Variants in KLHL29 observed in about 807,000 individuals in gnomAD.
KLHL29 encodes the protein kelch like family member 29.
KLHL29 carries 21 observed loss-of-function variants against 80.4 expected under a neutral mutation model. The ratio of observed to expected loss-of-function variants is 0.26; its 90% CI spans 0.19 to 0.38. KLHL29 has a LOEUF of 0.38. Ranked by LOEUF, KLHL29 falls within the 10% of genes least tolerant of loss-of-function variation. The pLI, the probability that KLHL29 is intolerant of heterozygous loss-of-function variation, is 1.00. For missense variants in KLHL29, 867 were observed against 1,223.9 expected (o/e 0.71, Z 4.35); for synonymous variants, 511 against 526.8 (o/e 0.97, Z 0.41).
intron 2 of KLHL29, among the ~76,000 whole-genome samples, chr2:23,513,074 C>T (rs1665822362): frequency 6.6e-6 from 1 of 152,218 alleles, no homozygotes; most frequent in Non-Finnish European, 1.5e-5. Context: ...AAGGCCACAC[C>T]TCCTTAGAGC....
chr2:23,613,785 A>AAAAAAAAAAAAAAAC lies in KLHL29; in HGVS notation c.286-25349_286-25348insAAAAAAAAACAAAAA, dbSNP rs1558408724. Among the ~76,000 whole-genome samples the AAAAAAAAAAAAAAAC allele has an allele frequency of 3.4e-5, 5 of 146,654 alleles. 1 individual carries two copies. Among genetic ancestry groups the AAAAAAAAAAAAAAAC allele is most frequent in the African/African-American group, 1.3e-4 (5 of 38,912 alleles). Reference sequence around the variant, plus strand: ...TCTCAAAAAAAAAAAAAAAAAAAAAAAAAAACCCACCACTCTCAGCTCACC... The same window carrying AAAAAAAAAAAAAAAC: ...TCTCAAAAAAAAAAAAAAAAAAAAAAAAAAAAAAAAAAAACAAAAACCCACCACTCTCAGCTCACC... On this transcript the variant is annotated intron_variant, in intron 3 of 13. Coordinates refer to ENST00000486442, the MANE Select transcript of KLHL29 (RefSeq NM_052920.2).
At chr2:23,615,230 C>T (rs961704159) in intron 3 of KLHL29, among the ~76,000 whole-genome samples, 1 of 152,212 alleles carries the variant, frequency 6.6e-6, no homozygotes, top group African/African-American at 2.4e-5. Context: ...TAGCATTTTG[C>T]AGATGAGAAA....
chr2:23,658,275 C>T (rs1670301286), intron 5 of KLHL29, among the ~76,000 whole-genome samples: 1 of 152,114 alleles, frequency 6.6e-6, no homozygotes, highest in Non-Finnish European at 1.5e-5. Context: ...CCTGCCTGAG[C>T]GTCATGGGCT....
chr2:23,507,013 A>T, intron 2 of KLHL29: 1 of 339,694 alleles, frequency 2.9e-6, no homozygotes, highest in South Asian at 2.2e-5. Flanking sequence ...GAGTCTTTTT[A>T]TAGAATGCAG....
At chr2:23,688,597 AC>A (rs1399390935) in intron 6 of KLHL29, among the ~76,000 whole-genome samples, 1 of 151,660 alleles carries the variant, frequency 6.6e-6, no homozygotes, top group African/African-American at 2.4e-5. Flanking sequence ...TCTCCTGGGC[AC>A]CCCCACGCCC....
intron 2 of KLHL29, among the ~76,000 whole-genome samples, chr2:23,487,246 T>C (rs1664958495): frequency 6.6e-6 from 1 of 152,150 alleles, no homozygotes; most frequent in Non-Finnish European, 1.5e-5. Flanking sequence ...CTAGAGGCCA[T>C]AGAGCAGAGC....
intron 2 of KLHL29, among the ~76,000 whole-genome samples, chr2:23,526,931 T>C (rs1373628932): frequency 6.6e-6 from 1 of 152,186 alleles, no homozygotes; most frequent in Non-Finnish European, 1.5e-5. Flanking sequence ...AGTATAGCTC[T>C]GGGTAACAGG....
At chr2:23,587,299 G>A (rs1668145605) in intron 3 of KLHL29, among the ~76,000 whole-genome samples, 1 of 147,968 alleles carries the variant, frequency 6.8e-6, no homozygotes, top group African/African-American at 2.5e-5. Context: ...TGATATTTGT[G>A]TATATAACAA....
At chr2:23,393,733 A>T (rs1418603036) in intron 1 of KLHL29, among the ~76,000 whole-genome samples, 1 of 152,200 alleles carries the variant, frequency 6.6e-6, no homozygotes, top group African/African-American at 2.4e-5. Context: ...TTCAACCTAC[A>T]TTCAGCCAAG....
chr2:23,512,721 T>C (rs1416456598), intron 2 of KLHL29, among the ~76,000 whole-genome samples: 1 of 152,220 alleles, frequency 6.6e-6, no homozygotes, highest in Non-Finnish European at 1.5e-5. Context: ...TGCTCTCTGC[T>C]CCAAGCTAAG....
At chr2:23,466,246 G>A (rs771515502) in intron 1 of KLHL29, among the ~76,000 whole-genome samples, 14 of 152,152 alleles carry the variant, frequency 9.2e-5, no homozygotes, top group African/African-American at 1.2e-4. Flanking sequence ...ATGCAGGCTC[G>A]TGACAGAGAG....
chr2:23,651,708 G>T (rs981347893), intron 5 of KLHL29, among the ~76,000 whole-genome samples: 1 of 152,280 alleles, frequency 6.6e-6, no homozygotes, highest in East Asian at 1.9e-4. Context: ...TTAAACAACA[G>T]AAATGTATTT....
At chr2:23,565,043 CAG>C (rs1331020438) in intron 3 of KLHL29, among the ~76,000 whole-genome samples, 1 of 152,174 alleles carries the variant, frequency 6.6e-6, no homozygotes, top group Non-Finnish European at 1.5e-5. Flanking sequence ...TACTTGCGAG[CAG>C]AGTTGTTGTG....
chr2:23,492,317 C>G (rs532460808), intron 2 of KLHL29, among the ~76,000 whole-genome samples: 8 of 152,338 alleles, frequency 5.3e-5, no homozygotes, highest in African/African-American at 1.9e-4. Context: ...GTTCATGCCT[C>G]TAGTGCAGAA....
chr2:23,625,556 G>A (rs144204679), intron 3 of KLHL29, among the ~76,000 whole-genome samples: 5 of 152,314 alleles, frequency 3.3e-5, no homozygotes, highest in African/African-American at 7.2e-5. Context: ...ACCCACTGGC[G>A]TGCTAGTCAG....
intron 13 of KLHL29, among the ~76,000 whole-genome samples, chr2:23,704,446 C>T (rs1405632100): frequency 6.6e-6 from 1 of 152,198 alleles, no homozygotes; most frequent in African/African-American, 2.4e-5. Flanking sequence ...CCCATCCTTT[C>T]CTGGACTAAG....
At chr2:23,388,995 T>C (rs79171935) in intron 1 of KLHL29, among the ~76,000 whole-genome samples, 101 of 88,092 alleles carry the variant, frequency 1.1e-3, no homozygotes, top group African/African-American at 3.9e-3. Context: ...TCTTCTTTTT[T>C]TTTTTTTTTT....
chr2:23,701,788 TTTTGC>T (rs201949755), intron 11 of KLHL29, among the ~76,000 whole-genome samples: 1,149 of 45,834 alleles, frequency 0.025, 91 homozygotes, highest in East Asian at 0.051. Flanking sequence ...CATGGCTTTT[TTTTGC>T]TTTTTTTTTT....
At chr2:23,467,888 G>A (rs1479739422) in intron 1 of KLHL29, among the ~76,000 whole-genome samples, 3 of 151,886 alleles carry the variant, frequency 2.0e-5, no homozygotes, top group Non-Finnish European at 4.4e-5. Flanking sequence ...GCCTTCTGAG[G>A]AAGACCCCTC....
Sources: gnomAD v4.1 joint callset for allele counts (sites outside exome capture counted in the v4.1 genomes callset) on GRCh38, gnomAD v4.1.1 for gene constraint, MANE v1.5 for transcripts, NCBI Gene and HGNC (gene_info 2026-07-23, HGNC 2026-07-21) for gene names.